The following MYOZ3 variants were observed in gnomAD, a reference collection of about 807,000 sequenced individuals.
MYOZ3 encodes the protein myozenin-3.
A neutral mutation model predicts 26.5 loss-of-function variants in MYOZ3; 19 were observed. That is an observed-to-expected ratio of 0.72 (90% confidence interval 0.50 to 1.05). The LOEUF (loss-of-function observed/expected upper bound fraction) is 1.05. Among genes scored for constraint, MYOZ3 ranks in the 50% least tolerant of loss-of-function variants. The pLI is 0.00. For synonymous variants in MYOZ3, 135 were observed against 138.8 expected, an observed-to-expected ratio of 0.97 and a Z score of 0.19; for missense variants, 322 against 337.1, an observed-to-expected ratio of 0.96 and a Z score of 0.35.
At chr5:150,671,381 C>T (rs1250767641) in intron 3 of MYOZ3, 2 of 591,068 alleles carry the variant, frequency 3.4e-6, no homozygotes, top group Non-Finnish European at 3.0e-6. Flanking sequence ...AGTATCTTGC[C>T]CGGACTCGGC....
In MYOZ3 at chr5:150,670,688, C is replaced by G. The variant is rs1003197717; in HGVS notation, c.216+50C>G. 5.2e-6 allele frequency: 8 copies of G among 1,546,296 alleles called. No individual in the cohort carries two copies. In the African/African-American group the frequency reaches 1.1e-4, roughly 21 times the overall value. On this transcript the variant is annotated intron_variant, in intron 3 of 6. Coordinates refer to ENST00000517768, the MANE Select transcript of MYOZ3 (RefSeq NM_001122853.3). ...TGGGGAAAATGAGGACCACAGAGAG[C>G]CACTGGTTAGCCTAAAGTCAAACGG...
At chr5:150,666,807 C>T (rs1390294913) in intron 2 of MYOZ3, among the ~76,000 whole-genome samples, 3 of 151,360 alleles carry the variant, frequency 2.0e-5, no homozygotes, top group Admixed American at 6.6e-5. Flanking sequence ...TTTGCCCAGA[C>T]TGGAGCACAG....
At chr5:150,674,103 C>G (rs541126546) in intron 6 of MYOZ3, among the ~76,000 whole-genome samples, 1 of 152,332 alleles carries the variant, frequency 6.6e-6, no homozygotes, top group African/African-American at 2.4e-5. Flanking sequence ...CAGAGACTTC[C>G]TGATGGGAAG....
At chr5:150,676,268 G>A (rs1386205454) in intron 6 of MYOZ3, among the ~76,000 whole-genome samples, 3 of 152,144 alleles carry the variant, frequency 2.0e-5, no homozygotes, top group Admixed American at 1.3e-4. Flanking sequence ...CAGAATTGCT[G>A]GGTGCGGTGG....
At position 150,670,566 on chromosome 5, in the gene MYOZ3, G is replaced by A; in HGVS notation, c.144G>A (p.Gly48=). 6.2e-7 allele frequency: 1 copy of A among 1,613,296 alleles called. No individual in the cohort carries two copies. The highest frequency in any genetic ancestry group is 8.5e-7 in the Non-Finnish European group (1 of 1,179,666). The change falls in exon 3 of 7, where the codon GGG becomes GGA. Residue 48 remains glycine, a synonymous_variant. Coordinates refer to ENST00000517768, the MANE Select transcript of MYOZ3 (RefSeq NM_001122853.3). ...MEELSLRNNR[G]SLLFQKRQRR... Reference sequence around the variant, plus strand: ...AGCTGTCACTACGCAACAACAGAGGGTCCCTCCTCTTCCAGAAGAGGCAGC... The same window carrying A: ...AGCTGTCACTACGCAACAACAGAGGATCCCTCCTCTTCCAGAAGAGGCAGC...
intron 1 of MYOZ3, among the ~76,000 whole-genome samples, chr5:150,662,338 G>A (rs1287287272): frequency 6.6e-6 from 1 of 152,190 alleles, no homozygotes; most frequent in Non-Finnish European, 1.5e-5. Context: ...AGGGACGAGG[G>A]AGAAGAGAAC....
chr5:150,676,543 CAAAAAAAAA>C (rs749959393), intron 6 of MYOZ3, among the ~76,000 whole-genome samples, 155 bp from the exon 7 acceptor site: 4 of 57,964 alleles, frequency 6.9e-5, no homozygotes, highest in East Asian at 1.1e-3. Context: ...GACTCTGTCT[CAAAAAAAAA>C]AAAAAAAAAA....
At chr5:150,666,539 A>C (rs930006491) in intron 2 of MYOZ3, among the ~76,000 whole-genome samples, 13 of 149,500 alleles carry the variant, frequency 8.7e-5, no homozygotes, top group African/African-American at 3.0e-4. Flanking sequence ...ACTAGAACCC[A>C]GGAGGCAGAG....
chr5:150,671,615 A>G lies in MYOZ3; in HGVS notation c.235A>G (p.Arg79Gly), dbSNP rs770304000. The G allele has an allele frequency of 1.7e-5, 27 of 1,613,734 alleles. No individual in the cohort carries two copies. Among genetic ancestry groups the G allele is most frequent in the South Asian group, 1.1e-4 (10 of 91,058 alleles). The change falls in exon 4 of 7, where the codon AGG becomes GGG. Residue 79 changes from arginine (R) to glycine (G), a missense_variant. Coordinates refer to ENST00000517768, the MANE Select transcript of MYOZ3 (RefSeq NM_001122853.3). The part of the protein sequence containing the change: ...SQRAMLAGSA[R>G]RKVTGTAESG... Reference sequence around the variant, plus strand: ...TTCCCAGATGCTGGCCGGAAGCGCCAGGAGGAAGGTGACTGGAACAGCGGA... The same window carrying G: ...TTCCCAGATGCTGGCCGGAAGCGCCGGGAGGAAGGTGACTGGAACAGCGGA...
intron 1 of MYOZ3, among the ~76,000 whole-genome samples, chr5:150,661,908 C>T (rs189933728): frequency 1.3e-5 from 2 of 152,114 alleles, no homozygotes; most frequent in African/African-American, 4.8e-5. Context: ...ACCCTAAAGC[C>T]CATCCATGGA....
chr5:150,677,300 T>TGG lies in MYOZ3; in HGVS notation c.*426_*427insGG. On this transcript the variant is annotated 3_prime_UTR_variant, in exon 7 of 7. Transcript: ENST00000517768. The stretch of plus-strand genomic sequence containing the variant: ...TACAAAAATGAGTCGGACATGGTGG[T>TGG]GCATGCCTGTAATCCCAGCTACTTG... The TGG allele has an allele frequency of 6.4e-6, 1 of 155,118 alleles. No individual in the cohort carries two copies. The highest frequency in any genetic ancestry group is 1.4e-5 in the Non-Finnish European group (1 of 69,748). 9.6% of individuals were successfully genotyped at this position (155,118 alleles called of 1,614,324 possible).
chr5:150,670,411 A>G, intron 2 of MYOZ3, 73 bp from the exon 3 acceptor site: 1 of 1,439,040 alleles, frequency 6.9e-7, no homozygotes, highest in South Asian at 1.5e-5. Flanking sequence ...ACAGCATGCC[A>G]TGCTTCGAGA....
rs755981206 is a variant in MYOZ3 at position 150,670,675 on chromosome 5, G to A, written c.216+37G>A. On this transcript the variant is annotated intron_variant, in intron 3 of 6. Transcript: ENST00000517768. ...ACCATTGTGCTCATGGGGAAAATGA[G>A]GACCACAGAGAGCCACTGGTTAGCC... 5.7e-6 allele frequency: 9 copies of A among 1,572,942 alleles called. No homozygotes were observed. The South Asian group carries it at 5.8e-5, about 10-fold the overall frequency.
At position 150,671,663 on chromosome 5, in the gene MYOZ3, G is replaced by C. The variant is rs765051888; in HGVS notation, c.270+13G>C. On this transcript the variant is annotated intron_variant, in intron 4 of 6. Transcript: ENST00000517768. ...GGAGTCGGGGACGGTGAGCGTGGAG[G>C]GGAGCTCCCTGGAAGGGAAGCTGGG... 2 of 1,613,870 alleles carry C rather than the reference G, an allele frequency of 1.2e-6. No individual in the cohort carries two copies. The highest frequency in any genetic ancestry group is 2.2e-5 in the South Asian group (2 of 91,068).
intron 6 of MYOZ3, among the ~76,000 whole-genome samples, chr5:150,676,355 C>G (rs1193758504): frequency 6.6e-6 from 1 of 151,880 alleles, no homozygotes; most frequent in East Asian, 1.9e-4. Context: ...ACTAGCCTGG[C>G]CAACATGGTG....
intron 2 of MYOZ3, among the ~76,000 whole-genome samples, chr5:150,668,196 T>A (rs1203496890): frequency 2.6e-5 from 4 of 152,236 alleles, no homozygotes; most frequent in African/African-American, 4.8e-5. Context: ...ATGGTGTGGT[T>A]AAACTTGTTC....
chr5:150,672,150 C>G, intron 5 of MYOZ3, 190 bp from the exon 6 acceptor site: 2 of 1,044,880 alleles, frequency 1.9e-6, no homozygotes, highest in Non-Finnish European at 2.9e-6. Context: ...TCACTGCAGT[C>G]CTCCGTGTTT....
At chr5:150,662,186 G>A (rs2151441971) in intron 1 of MYOZ3, among the ~76,000 whole-genome samples, 1 of 152,292 alleles carries the variant, frequency 6.6e-6, no homozygotes, top group African/African-American at 2.4e-5. Context: ...GGAGCTCAAG[G>A]GCTCTGCCTC....
rs780085031 is a variant in MYOZ3 at position 150,663,022 on chromosome 5, A to G, written c.61+20A>G. The G allele has an allele frequency of 2.5e-6, 4 of 1,592,466 alleles. No homozygotes were observed. The highest frequency in any genetic ancestry group is 3.4e-6 in the Non-Finnish European group (4 of 1,167,976). The stretch of plus-strand genomic sequence containing the variant: ...AACCAGGTAAGGTGGTTCTAGCCTC[A>G]TGCCTTCCTCAGACTCCATCATTTC... On this transcript the variant is annotated intron_variant, in intron 2 of 6. Coordinates refer to ENST00000517768, the MANE Select transcript of MYOZ3 (RefSeq NM_001122853.3).
Sources: gnomAD v4.1 joint callset for allele counts (sites outside exome capture counted in the v4.1 genomes callset) on GRCh38, gnomAD v4.1.1 for gene constraint, MANE v1.5 for transcripts, NCBI Gene and HGNC (gene_info 2026-07-23, HGNC 2026-07-21) for gene names.